Variants in PARD3B observed in about 807,000 individuals in gnomAD.
PARD3B encodes the protein par-3 family cell polarity regulator beta.
PARD3B carries 103 observed loss-of-function variants against 130.2 expected under a neutral mutation model. The observed-to-expected ratio is 0.79, with a 90% CI of 0.67 to 0.93. PARD3B has a LOEUF of 0.93. PARD3B is among the 40% of genes least tolerant of loss of function. The pLI is 0.00. For missense variants in PARD3B, 1,609 were observed against 1,499.2 expected, an observed-to-expected ratio of 1.07 and a Z score of -1.21; for synonymous variants, 583 against 553.2, an observed-to-expected ratio of 1.05 and a Z score of -0.76.
intron 2 of PARD3B, among the ~76,000 whole-genome samples, chr2:204,707,751 G>A (rs2038241942): frequency 6.6e-6 from 1 of 152,086 alleles, no homozygotes. Flanking sequence ...ACTTCATACA[G>A]TCTCAGTAGA....
intron 15 of PARD3B, among the ~76,000 whole-genome samples, chr2:205,226,838 TCTGGG>T: frequency 6.6e-6 from 1 of 152,342 alleles, no homozygotes; most frequent in African/African-American, 2.4e-5. Flanking sequence ...CTTTGGCTAT[TCTGGG>T]CCTTTTGTGA....
At chr2:204,694,856 T>C (rs2037535129) in intron 2 of PARD3B, among the ~76,000 whole-genome samples, 2 of 152,066 alleles carry the variant, frequency 1.3e-5, no homozygotes, top group Admixed American at 1.3e-4. Context: ...TGGAGGAGTG[T>C]GTACACTTGC....
intron 3 of PARD3B, among the ~76,000 whole-genome samples, chr2:205,037,679 A>ATATATAATGTATATAGTGGAC (rs575227758): frequency 1.2e-4 from 7 of 59,582 alleles, no homozygotes; most frequent in Non-Finnish European, 1.8e-4. Context: ...ATAGTGGACT[A>ATATATAATGTATATAGTGGAC]TATATATATA....
rs1266479673 is a variant in PARD3B, at chr2:204,689,395, A to G, written c.222+3113A>G. ...AAAATATTATTGGAACAGCTTTGGAATATTGCATCTTATGATAACTATTTG... is the reference window on the plus strand; with the variant it reads ...AAAATATTATTGGAACAGCTTTGGAGTATTGCATCTTATGATAACTATTTG... On this transcript the variant is annotated intron_variant, in intron 2 of 22. Coordinates refer to ENST00000406610, the MANE Select transcript of PARD3B (RefSeq NM_001302769.2). The surrounding 1 kb of genome is among the most constrained non-coding windows in gnomAD (Gnocchi z 5.2). 6.6e-6 allele frequency among the ~76,000 whole-genome samples: 1 copy of G among 152,164 alleles called. No homozygotes were observed. The highest frequency in any genetic ancestry group is 1.5e-5 in the Non-Finnish European group (1 of 68,022).
intron 2 of PARD3B, among the ~76,000 whole-genome samples, chr2:204,809,123 C>T (rs994385397): frequency 6.6e-6 from 1 of 151,184 alleles, no homozygotes; most frequent in Non-Finnish European, 1.5e-5. Flanking sequence ...ATGGGTTTGT[C>T]TGTTTTTTTT....
chr2:204,742,821 T>G (rs1424091490), intron 2 of PARD3B, among the ~76,000 whole-genome samples: 1 of 152,206 alleles, frequency 6.6e-6, no homozygotes, highest in South Asian at 2.1e-4. Flanking sequence ...TAGGATTGTT[T>G]TGCTATGTTA....
chr2:205,383,521 TTA>T (rs2045556815), intron 18 of PARD3B, among the ~76,000 whole-genome samples: 1 of 152,124 alleles, frequency 6.6e-6, no homozygotes, highest in Non-Finnish European at 1.5e-5. Flanking sequence ...TTCAGTGTGG[TTA>T]TGTTAGTTAT....
chr2:204,946,499 T>C (rs1006212904), intron 2 of PARD3B, among the ~76,000 whole-genome samples: 7 of 152,314 alleles, frequency 4.6e-5, no homozygotes, highest in East Asian at 1.9e-4. Flanking sequence ...GATTCCATCA[T>C]TGACCATCTT....
At chr2:204,936,532 C>T (rs377601243) in intron 2 of PARD3B, among the ~76,000 whole-genome samples, 29 of 152,264 alleles carry the variant, frequency 1.9e-4, no homozygotes, top group African/African-American at 6.7e-4. Flanking sequence ...TTATTTTAAT[C>T]CTCATAATAA....
intron 2 of PARD3B, among the ~76,000 whole-genome samples, chr2:204,850,280 C>G (rs531326841): frequency 6.6e-6 from 1 of 152,138 alleles, no homozygotes; most frequent in African/African-American, 2.4e-5. Flanking sequence ...ACTAAATAAA[C>G]AAATGGGAAA....
rs866843334 is a variant in PARD3B, at chr2:204,959,661, A to G, written c.223-5491A>G. On this transcript the variant is annotated intron_variant, in intron 2 of 22. Transcript: ENST00000406610. ...TTTTCTTTTTATCTTTACAAGGTAA[A>G]GGAATGAGAAAAATATGGAATGAGT... is the stretch of plus-strand genomic sequence containing the variant. 6.6e-5 allele frequency among the ~76,000 whole-genome samples: 10 copies of G among 152,320 alleles called. No homozygotes were observed. In the Middle Eastern group the frequency reaches 0.01, roughly 155 times the overall value.
intron 18 of PARD3B, among the ~76,000 whole-genome samples, chr2:205,334,876 G>A (rs2043253822): frequency 6.6e-6 from 1 of 152,200 alleles, no homozygotes; most frequent in Non-Finnish European, 1.5e-5. Context: ...TTCCTCATGT[G>A]TCTTTTACCT....
At chr2:205,380,212 ATATATAT>A (rs2045274542) in intron 18 of PARD3B, among the ~76,000 whole-genome samples, 1 of 114,026 alleles carries the variant, frequency 8.8e-6, no homozygotes, top group African/African-American at 3.5e-5. Context: ...TATGTAAAGA[ATATATAT>A]TATATATTAT....
intron 2 of PARD3B, among the ~76,000 whole-genome samples, chr2:204,806,489 A>G (rs1481984717): frequency 3.9e-5 from 6 of 152,326 alleles, no homozygotes; most frequent in Admixed American, 1.3e-4. Flanking sequence ...AAATCAAATC[A>G]AAATGGATTA....
intron 22 of PARD3B, among the ~76,000 whole-genome samples, chr2:205,583,618 TTATC>T (rs1389517960): frequency 2.6e-5 from 4 of 152,192 alleles, no homozygotes; most frequent in Admixed American, 2.0e-4. Flanking sequence ...GTTCCATTAT[TTATC>T]TATTTCACAG....
At chr2:205,443,360 G>T (rs891373428) in intron 20 of PARD3B, among the ~76,000 whole-genome samples, 2 of 152,076 alleles carry the variant, frequency 1.3e-5, no homozygotes, top group Non-Finnish European at 2.9e-5. Flanking sequence ...GTATGTATTT[G>T]ACACCTAATG....
chr2:205,220,529 C>T (rs79506967), intron 15 of PARD3B, among the ~76,000 whole-genome samples: 10,888 of 152,190 alleles, frequency 0.072, 487 homozygotes, highest in South Asian at 0.11. Flanking sequence ...TATTGAGTGC[C>T]TACTACATTT....
At chr2:205,238,912 A>G (rs1438440246) in intron 15 of PARD3B, among the ~76,000 whole-genome samples, 40 of 115,152 alleles carry the variant, frequency 3.5e-4, no homozygotes, top group Non-Finnish European at 5.4e-4. Flanking sequence ...ATATATATGT[A>G]TGTGTATATA....
chr2:205,350,837 C>T (rs569680225), intron 18 of PARD3B, among the ~76,000 whole-genome samples: 1 of 152,238 alleles, frequency 6.6e-6, no homozygotes, highest in South Asian at 2.1e-4. Flanking sequence ...AGTATACATA[C>T]TACCCATTTT....
Sources: allele counts gnomAD v4.1 joint callset (sites outside exome capture counted in the v4.1 genomes callset), GRCh38; gene constraint gnomAD v4.1.1; non-coding constraint Gnocchi (gnomAD v3.1); transcripts MANE v1.5; gene names NCBI Gene and HGNC (gene_info 2026-07-23, HGNC 2026-07-21).